FRMD4B: variants seen among roughly 807,000 people sequenced by gnomAD.
The protein encoded by FRMD4B is FERM domain containing 4B, also known as FERM domain-containing protein 4B.
Under a neutral mutation model 141.5 loss-of-function variants are expected in FRMD4B, and 74 were observed. The ratio of observed to expected loss-of-function variants is 0.52; its 90% CI spans 0.43 to 0.63. The LOEUF is 0.63. Ranked by LOEUF, FRMD4B falls within the 30% of genes least tolerant of loss-of-function variation. FRMD4B has a pLI of 0.00. For missense variants in FRMD4B, 1,366 were observed against 1,253.4 expected (o/e 1.09, Z -1.36); for synonymous variants, 506 against 467.9 (o/e 1.08, Z -1.05).
chr3:69,340,775 T>C (rs2107375229), intron 1 of FRMD4B, among the ~76,000 whole-genome samples: 1 of 152,342 alleles, frequency 6.6e-6, no homozygotes, highest in South Asian at 2.1e-4. Context: ...TAGTTCTCTA[T>C]ACTTCTTTGT....
chr3:69,188,665 G>A (rs186408936), intron 18 of FRMD4B, among the ~76,000 whole-genome samples: 5,368 of 151,198 alleles, frequency 0.036, 244 homozygotes, highest in African/African-American at 0.1. Context: ...GCTGAGGCAG[G>A]AGAATGGCGT....
At chr3:69,288,805 G>A (rs928271061) in intron 4 of FRMD4B, among the ~76,000 whole-genome samples, 5 of 152,140 alleles carry the variant, frequency 3.3e-5, no homozygotes, top group Admixed American at 3.3e-4. Flanking sequence ...GGTAAACCAG[G>A]GCTAGGAAGT....
At chr3:69,469,630 A>G (rs946871210) in intron 1 of FRMD4B, among the ~76,000 whole-genome samples, 2 of 152,198 alleles carry the variant, frequency 1.3e-5, no homozygotes, top group East Asian at 3.8e-4. Context: ...CTCACTGGTC[A>G]CCAGAATCCC....
At chr3:69,379,864 G>A (rs1261388715) in intron 1 of FRMD4B, among the ~76,000 whole-genome samples, 2 of 152,222 alleles carry the variant, frequency 1.3e-5, no homozygotes, top group Non-Finnish European at 2.9e-5. Context: ...GCCTGGCTGT[G>A]AGCCAACAAA....
At chr3:69,516,797 A>T (rs1700766356) in intron 1 of FRMD4B, among the ~76,000 whole-genome samples, 1 of 152,184 alleles carries the variant, frequency 6.6e-6, no homozygotes, top group African/African-American at 2.4e-5. Flanking sequence ...CATCAGTGAA[A>T]CAAAGTTATT....
intron 1 of FRMD4B, among the ~76,000 whole-genome samples, chr3:69,490,788 C>G (rs900961418): frequency 1.3e-5 from 2 of 152,126 alleles, no homozygotes; most frequent in Admixed American, 1.3e-4. Context: ...CCCACCACAC[C>G]AGGCCTATAA....
chr3:69,528,641 C>A (rs979285521), intron 1 of FRMD4B, among the ~76,000 whole-genome samples: 1 of 152,162 alleles, frequency 6.6e-6, no homozygotes, highest in Non-Finnish European at 1.5e-5. Flanking sequence ...GCTGGGACTG[C>A]AGGCGTGAGC....
chr3:69,319,121 G>A (rs1215786309), intron 1 of FRMD4B, among the ~76,000 whole-genome samples: 3 of 152,148 alleles, frequency 2.0e-5, no homozygotes, highest in African/African-American at 7.2e-5. Context: ...CCTATCAAGG[G>A]GGCATCCTCA....
chr3:69,314,429 A>T (rs1362094659), intron 1 of FRMD4B, among the ~76,000 whole-genome samples: 1 of 151,658 alleles, frequency 6.6e-6, no homozygotes, highest in African/African-American at 2.4e-5. Context: ...CAGGAGGCTA[A>T]GGCATGAGAA....
At chr3:69,369,934 T>C (rs910962266) in intron 1 of FRMD4B, among the ~76,000 whole-genome samples, 24 of 152,208 alleles carry the variant, frequency 1.6e-4, no homozygotes, top group Non-Finnish European at 1.8e-4. Context: ...CATTATTTGA[T>C]GGTGCTAATT....
At chr3:69,468,811 A>G (rs1705836599) in intron 1 of FRMD4B, among the ~76,000 whole-genome samples, 1 of 152,116 alleles carries the variant, frequency 6.6e-6, no homozygotes, top group Admixed American at 6.5e-5. Flanking sequence ...GGACTGCTCC[A>G]CCTCTGGACT....
intron 1 of FRMD4B, among the ~76,000 whole-genome samples, chr3:69,505,575 T>C (rs1311214531): frequency 6.6e-6 from 1 of 152,186 alleles, no homozygotes; most frequent in Non-Finnish European, 1.5e-5. Flanking sequence ...ACTATCAACC[T>C]CTTGAAAGTG....
chr3:69,368,705 T>G (rs1463924178), intron 1 of FRMD4B, among the ~76,000 whole-genome samples: 1 of 152,222 alleles, frequency 6.6e-6, no homozygotes, highest in Admixed American at 6.5e-5. Context: ...CATAACTCTC[T>G]GGAGTGCAGT....
chr3:69,530,645 CAGA>C (rs1456897677), intron 1 of FRMD4B, among the ~76,000 whole-genome samples: 1 of 152,076 alleles, frequency 6.6e-6, no homozygotes, highest in Non-Finnish European at 1.5e-5. Flanking sequence ...TGGCCCTCCA[CAGA>C]AAAGGTCTGC....
In FRMD4B at chr3:69,313,580, CGTT is replaced by C. The variant is rs529753509; in HGVS notation, c.163-66_163-64del. On this transcript the variant is annotated intron_variant, in intron 1 of 22. Transcript: ENST00000398540. ...CGGCTGGCAAGCAAACCTTTGGACT[CGTT>C]GTATCATTTATTTTATATGAGATGG... 3.9e-4 allele frequency: 375 copies of C among 968,276 alleles called. 1 individual carries two copies. Among genetic ancestry groups the C allele is most frequent in the Non-Finnish European group, 5.3e-4 (331 of 622,666 alleles). The allele number at this position is 968,276 out of a possible 1,614,324, so 60.0% of individuals were successfully genotyped here.
intron 1 of FRMD4B, among the ~76,000 whole-genome samples, chr3:69,435,650 G>A (rs941089299): frequency 4.6e-5 from 7 of 152,154 alleles, no homozygotes; most frequent in Admixed American, 1.3e-4. Context: ...CCTTTACAGA[G>A]AAAGTTTGCC....
chr3:69,481,105 C>T (rs1220349748), intron 1 of FRMD4B, among the ~76,000 whole-genome samples: 1 of 152,176 alleles, frequency 6.6e-6, no homozygotes, highest in African/African-American at 2.4e-5. Flanking sequence ...TTTCCAGGTG[C>T]TGTCTGTCAC....
At chr3:69,334,985 G>A (rs963152169) in intron 1 of FRMD4B, among the ~76,000 whole-genome samples, 1 of 152,156 alleles carries the variant, frequency 6.6e-6, no homozygotes, top group African/African-American at 2.4e-5. Context: ...GGGGAGAGTT[G>A]TTACTTTAGA....
chr3:69,449,894 G>C (rs1705468531), intron 1 of FRMD4B, among the ~76,000 whole-genome samples: 1 of 152,158 alleles, frequency 6.6e-6, no homozygotes, highest in African/African-American at 2.4e-5. Context: ...AGGGCACTAT[G>C]ATACAGAAAC....
Sources: allele counts gnomAD v4.1 joint callset (sites outside exome capture counted in the v4.1 genomes callset), GRCh38; gene constraint gnomAD v4.1.1; transcripts MANE v1.5; gene names NCBI Gene and HGNC (gene_info 2026-07-23, HGNC 2026-07-21).